The following KDM3A variants were observed in gnomAD, a reference collection of about 807,000 sequenced individuals.
The protein encoded by KDM3A is lysine demethylase 3A.
Under a neutral mutation model 158.0 loss-of-function variants are expected in KDM3A, and 60 were observed. The ratio of observed to expected loss-of-function variants is 0.38; its 90% CI spans 0.31 to 0.47. The LOEUF (loss-of-function observed/expected upper bound fraction) is 0.47. Ranked by LOEUF, KDM3A falls within the 20% of genes least tolerant of loss-of-function variation. The pLI is 0.99. For missense variants in KDM3A, 1,319 were observed against 1,574.3 expected, an observed-to-expected ratio of 0.84 and a Z score of 2.74; for synonymous variants, 608 against 549.3, an observed-to-expected ratio of 1.11 and a Z score of -1.49.
chr2:86,445,543 A>C (rs865932608), intron 2 of KDM3A, among the ~76,000 whole-genome samples: 2 of 152,124 alleles, frequency 1.3e-5, no homozygotes, highest in Middle Eastern at 6.8e-3. Flanking sequence ...TTTTCTTTGA[A>C]GCCTACCTGT....
chr2:86,455,298 T>G lies in KDM3A; in HGVS notation c.556+111T>G, dbSNP rs184548083. On this transcript the variant is annotated intron_variant, in intron 5 of 25. Transcript: ENST00000312912. ...GCTCATGGAAATTTCTTTTTTCTTT[T>G]TTTTTTTTTTTGAGACAGTCTAGTT... The G allele has an allele frequency of 6.2e-3, 3,993 of 648,398 alleles. 10 individuals carry two copies. The highest frequency in any genetic ancestry group is 9.8e-3 in the South Asian group (499 of 50,676). The allele number at this position is 648,398 out of a possible 1,614,324, so 40.2% of individuals were successfully genotyped here. A position where few individuals can be genotyped will look rare whatever the true frequency, so the allele number is the denominator to read the frequency against.
intron 11 of KDM3A, among the ~76,000 whole-genome samples, chr2:86,471,541 T>C (rs1265448362): frequency 1.3e-5 from 2 of 152,172 alleles, no homozygotes; most frequent in Non-Finnish European, 2.9e-5. Flanking sequence ...CTAGGTACTT[T>C]CAGGTTGGAC....
upstream of KDM3A, among the ~76,000 whole-genome samples, chr2:86,437,406 G>A (rs1011691057): frequency 3.9e-5 from 6 of 152,144 alleles, no homozygotes; most frequent in African/African-American, 1.4e-4. Context: ...TTCCCAAAAT[G>A]CTGGGATTAC....
chr2:86,480,198 G>A lies in KDM3A; in HGVS notation c.2348G>A (p.Gly783Asp), dbSNP rs776327861. The change falls in exon 16 of 26, where the codon GGT becomes GAT. Residue 783 changes from glycine (G) to aspartate (D), a missense_variant. Physicochemically the swap from Gly to Asp is moderately conservative, Grantham distance 94. Coordinates refer to ENST00000312912, the MANE Select transcript of KDM3A (RefSeq NM_018433.6). The stretch of plus-strand genomic sequence containing the variant: ...TTAGCTGGAGAAAAACCGACTCTTG[G>A]TGCAGTGCTCCAGCAGAATCCCTCA... The part of the protein sequence containing the change: ...TSLAGEKPTL[G>D]AVLQQNPSVL... 79 of 1,613,092 alleles carry A rather than the reference G, an allele frequency of 4.9e-5. No homozygotes were observed. Among genetic ancestry groups the A allele is most frequent in the Non-Finnish European group, 4.8e-5 (57 of 1,180,016 alleles).
intron 8 of KDM3A, among the ~76,000 whole-genome samples, chr2:86,460,147 A>G (rs1239406211): frequency 6.6e-6 from 1 of 152,218 alleles, no homozygotes; most frequent in East Asian, 1.9e-4. Flanking sequence ...ACATTTTGAA[A>G]TACTTCAAAT....
chr2:86,455,023 A>G, intron 4 of KDM3A, 62 bp from the exon 5 acceptor site: 1 of 968,276 alleles, frequency 1.0e-6, no homozygotes, highest in Non-Finnish European at 1.5e-6. Context: ...AGCCCACTGG[A>G]ATTTAAATAA....
At position 86,492,485 on chromosome 2, in the gene KDM3A, T is replaced by TTTGTGTC. The variant is rs1674505885; in HGVS notation, c.*368_*374dup. 2 of 177,806 alleles carry TTTGTGTC rather than the reference T, an allele frequency of 1.1e-5. No individual in the cohort carries two copies. The highest frequency in any genetic ancestry group is 3.0e-4 in the East Asian group (2 of 6,636). The allele number at this position is 177,806 out of a possible 1,614,324, so 11.0% of individuals were successfully genotyped here. On this transcript the variant is annotated 3_prime_UTR_variant, in exon 26 of 26. Transcript: ENST00000312912. ...ACTGCACAGTTTATTTGGGTTGTGTTTTGTGTCTGAGTCCCCTCCCTCATC... is the reference window on the plus strand; with the variant it reads ...ACTGCACAGTTTATTTGGGTTGTGTTTTGTGTCTTGTGTCTGAGTCCCCTCCCTCATC...
In KDM3A at chr2:86,442,534, G is replaced by A. The variant is rs1048706300; in HGVS notation, c.186+301G>A. On this transcript the variant is annotated intron_variant, in intron 2 of 25. Transcript: ENST00000312912. Reference sequence around the variant, plus strand: ...TCATCTTTACTGCAGAGGAGGAGGAGTATTTTTGTTAGCGTTAGGTAGGGC... The same window carrying A: ...TCATCTTTACTGCAGAGGAGGAGGAATATTTTTGTTAGCGTTAGGTAGGGC... 2.0e-5 allele frequency: 5 copies of A among 249,696 alleles called. No homozygotes were observed. In the Admixed American group the frequency reaches 2.1e-4, roughly 11 times the overall value. 15.5% of individuals were successfully genotyped at this position (249,696 alleles called of 1,614,324 possible).
chr2:86,475,109 A>T, intron 12 of KDM3A, 119 bp downstream of exon 12: 3 of 797,010 alleles, frequency 3.8e-6, no homozygotes, highest in Non-Finnish European at 6.2e-6. Flanking sequence ...TAACTTTGGT[A>T]TAATGAGGTT....
intron 4 of KDM3A, among the ~76,000 whole-genome samples, chr2:86,452,762 G>A (rs1354984711): frequency 6.6e-6 from 1 of 152,196 alleles, no homozygotes; most frequent in East Asian, 1.9e-4. Context: ...GAAGCCCAAA[G>A]CACTGGCTTT....
chr2:86,442,838 G>A (rs1682792797), intron 2 of KDM3A, among the ~76,000 whole-genome samples: 1 of 152,124 alleles, frequency 6.6e-6, no homozygotes, highest in African/African-American at 2.4e-5. Context: ...TATATGGAGG[G>A]ATGGGGTGGA....
At chr2:86,441,935 C>CCTCCGCCCGCCCTCCCTGCTGT (rs1682735035) in intron 1 of KDM3A, 83 bp from the exon 2 acceptor site, 3 of 1,145,904 alleles carry the variant, frequency 2.6e-6, no homozygotes, top group Middle Eastern at 3.0e-4. Context: ...GGTTCGGCGC[C>CCTCCGCCCGCCCTCCCTGCTGT]CTCCGCCCGC....
chr2:86,476,357 T>TC (rs1207637821), intron 12 of KDM3A, among the ~76,000 whole-genome samples: 3 of 151,598 alleles, frequency 2.0e-5, no homozygotes, highest in Admixed American at 6.6e-5. Flanking sequence ...AATGTTTTTT[T>TC]CATATAGAAA....
intron 12 of KDM3A, among the ~76,000 whole-genome samples, chr2:86,477,430 G>C (rs191265450): frequency 1.3e-5 from 2 of 152,322 alleles, no homozygotes; most frequent in Non-Finnish European, 2.9e-5. Context: ...AGATTACTGG[G>C]TTTGTGGATC....
chr2:86,464,279 C>T, intron 9 of KDM3A, 63 bp downstream of exon 9: 4 of 1,212,732 alleles, frequency 3.3e-6, no homozygotes, highest in Non-Finnish European at 3.3e-6. Context: ...AGTCATGGCT[C>T]ATTGTTTTTA....
At chr2:86,456,415 GA>G (rs1672696824) in intron 5 of KDM3A, 26 bp from the exon 6 acceptor site, 2 of 821,290 alleles carry the variant, frequency 2.4e-6, no homozygotes, top group African/African-American at 2.4e-5. Flanking sequence ...ATTGCTCTAA[GA>G]TTTTTTTTTT....
rs1672701772 is a variant in KDM3A at position 86,456,457 on chromosome 2, T to C, written c.572T>C (p.Val191Ala). The part of the protein sequence containing the change: ...SHLLKGDKNL[V>A]GSEVKIYSLD... ...TTTTTTTAAGGTGACAAAAACTTAG[T>C]TGGTTCAGAAGTAAAAATTTATAGC... The change falls in exon 6 of 26, where the codon GTT becomes GCT. Residue 191 changes from valine to alanine, a missense_variant. Physicochemically the swap from Val to Ala is moderately conservative, Grantham distance 64. This residue lies in a region of KDM3A where 652 missense variants were observed against 627.2 expected (regional missense o/e 1.04). Transcript: ENST00000312912. The C allele has an allele frequency of 2.0e-6, 3 of 1,518,282 alleles. No individual in the cohort carries two copies. The highest frequency in any genetic ancestry group is 8.8e-7 in the Non-Finnish European group (1 of 1,135,022). 94.1% of individuals were successfully genotyped at this position (1,518,282 alleles called of 1,614,324 possible). A position where few individuals can be genotyped will look rare whatever the true frequency, so the allele number is the denominator to read the frequency against.
Position 86,492,187 on chromosome 2 carries a change from T to G in KDM3A, c.*68T>G. 1 of 1,164,214 alleles carries G rather than the reference T, an allele frequency of 8.6e-7. No individual in the cohort carries two copies. Among genetic ancestry groups the G allele is most frequent in the South Asian group, 1.3e-5 (1 of 78,470 alleles). The allele number at this position is 1,164,214 out of a possible 1,614,324, so 72.1% of individuals were successfully genotyped here. A position where few individuals can be genotyped will look rare whatever the true frequency, so the allele number is the denominator to read the frequency against. ...CTCTTCAGGCAGGATTCCTGTGGAC[T>G]TTGAGATTCATGTTACCTCATCTTC... On this transcript the variant is annotated 3_prime_UTR_variant, in exon 26 of 26. Coordinates refer to ENST00000312912, the MANE Select transcript of KDM3A (RefSeq NM_018433.6).
intron 2 of KDM3A, among the ~76,000 whole-genome samples, chr2:86,444,320 A>G (rs1212366333): frequency 6.6e-6 from 1 of 152,162 alleles, no homozygotes; most frequent in Non-Finnish European, 1.5e-5. Context: ...GTCAAAAACA[A>G]TTTTGGCTAG....
Sources: allele counts gnomAD v4.1 joint callset (sites outside exome capture counted in the v4.1 genomes callset), GRCh38; gene constraint gnomAD v4.1.1; regional missense constraint gnomAD v4.1.1; transcripts MANE v1.5; gene names NCBI Gene and HGNC (gene_info 2026-07-23, HGNC 2026-07-21).